The following GPC5 variants were observed in gnomAD, a reference collection of about 807,000 sequenced individuals.
GPC5 encodes glypican-5.
In GPC5, 47 loss-of-function variants were observed where a neutral mutation model predicts 53.9. That is an observed-to-expected ratio of 0.87 (90% CI 0.69 to 1.11). GPC5 has a LOEUF of 1.11. Among genes scored for constraint, GPC5 ranks in the 50% most tolerant of loss-of-function variants. The pLI is 0.00. For missense variants in GPC5, 748 were observed against 713.1 expected (o/e 1.05, Z -0.56); for synonymous variants, 286 against 263.3 (o/e 1.09, Z -0.84).
chr13:92,800,498 A>G (rs1876862302), intron 7 of GPC5, among the ~76,000 whole-genome samples: 1 of 151,884 alleles, frequency 6.6e-6, no homozygotes, highest in African/African-American at 2.4e-5. Flanking sequence ...GTTGTGGTAA[A>G]AGCATTCTTA....
At chr13:92,239,358 T>C (rs529309734) in intron 7 of GPC5, among the ~76,000 whole-genome samples, 3 of 152,104 alleles carry the variant, frequency 2.0e-5, no homozygotes, top group Admixed American at 2.0e-4. Context: ...TTTAATTTTA[T>C]TCAACAATGT....
chr13:92,002,695 GA>G (rs2138756169), intron 6 of GPC5, among the ~76,000 whole-genome samples: 1 of 152,224 alleles, frequency 6.6e-6, no homozygotes, highest in Admixed American at 6.5e-5. Flanking sequence ...AACAAGATAG[GA>G]ATGGAACATA....
At chr13:91,458,261 C>A (rs149728984) in intron 2 of GPC5, among the ~76,000 whole-genome samples, 1 of 151,942 alleles carries the variant, frequency 6.6e-6, no homozygotes, top group African/African-American at 2.4e-5. Flanking sequence ...GGAGGGTGAT[C>A]GGAAAGGATA....
chr13:91,750,196 G>C (rs1489422336), intron 4 of GPC5, among the ~76,000 whole-genome samples: 1 of 152,188 alleles, frequency 6.6e-6, no homozygotes, highest in Non-Finnish European at 1.5e-5. Flanking sequence ...TACAAGCCCA[G>C]ATGACAAATT....
intron 2 of GPC5, among the ~76,000 whole-genome samples, chr13:91,573,347 C>G (rs970398048): frequency 2.0e-5 from 3 of 152,188 alleles, no homozygotes; most frequent in African/African-American, 7.2e-5. Flanking sequence ...GTATGGCATA[C>G]GCATACATGC....
chr13:92,160,410 T>G (rs2041978533), intron 7 of GPC5, among the ~76,000 whole-genome samples: 1 of 152,316 alleles, frequency 6.6e-6, no homozygotes, highest in African/African-American at 2.4e-5. Context: ...GGAGTAAAAC[T>G]GTTACAATTT....
chr13:92,052,807 G>A (rs908714168), intron 6 of GPC5, among the ~76,000 whole-genome samples: 1 of 152,154 alleles, frequency 6.6e-6, no homozygotes, highest in African/African-American at 2.4e-5. Flanking sequence ...ATTCTCAGAG[G>A]TGAGGAAGTT....
intron 2 of GPC5, among the ~76,000 whole-genome samples, chr13:91,653,398 G>A (rs1275266328): frequency 6.6e-6 from 1 of 152,096 alleles, no homozygotes; most frequent in Non-Finnish European, 1.5e-5. Context: ...GGGGTGTAGA[G>A]GGGAGATGAG....
chr13:92,624,053 C>A (rs1423310147), intron 7 of GPC5, among the ~76,000 whole-genome samples: 1 of 147,104 alleles, frequency 6.8e-6, no homozygotes, highest in Non-Finnish European at 1.5e-5. Context: ...GTAGAGACGG[C>A]GTTTCCCCAC....
chr13:91,991,977 A>G (rs748424897), intron 6 of GPC5, among the ~76,000 whole-genome samples: 70 of 152,362 alleles, frequency 4.6e-4, no homozygotes, highest in Non-Finnish European at 9.8e-4. Context: ...GTACACATAC[A>G]TATATAGAAT....
At chr13:92,459,199 A>G (rs1878387582) in intron 7 of GPC5, among the ~76,000 whole-genome samples, 1 of 152,190 alleles carries the variant, frequency 6.6e-6, no homozygotes, top group African/African-American at 2.4e-5. Context: ...TATAACAAAA[A>G]TATTACAGAA....
chr13:91,626,120 C>CT (rs2033993055), intron 2 of GPC5, among the ~76,000 whole-genome samples: 1 of 151,962 alleles, frequency 6.6e-6, no homozygotes, highest in Admixed American at 6.6e-5. Context: ...GACTGTTTTT[C>CT]TTTTTTACCT....
rs759777265 is a variant in GPC5, at chr13:91,572,166, CAT to C, written c.326-121018_326-121017del. 1.3e-3 allele frequency among the ~76,000 whole-genome samples: 144 copies of C among 114,188 alleles called. 15 individuals carry two copies. The highest frequency in any genetic ancestry group is 4.5e-3 in the African/African-American group (109 of 24,490). 74.9% of individuals were successfully genotyped at this position (114,188 alleles called of 152,430 possible). On this transcript the variant is annotated intron_variant, in intron 2 of 7. Coordinates refer to ENST00000377067, the MANE Select transcript of GPC5 (RefSeq NM_004466.6). ...GTATATATACGTGTGTATACACACA[CAT>C]ATGTATATATACGTGTGTATACACA...
chr13:92,413,779 A>G (rs575890878), intron 7 of GPC5, among the ~76,000 whole-genome samples: 6 of 152,310 alleles, frequency 3.9e-5, no homozygotes, highest in South Asian at 2.1e-4. Context: ...AAGGACCACG[A>G]AGGTTTACCT....
At chr13:92,751,385 G>C (rs925467332) in intron 7 of GPC5, among the ~76,000 whole-genome samples, 3 of 143,362 alleles carry the variant, frequency 2.1e-5, no homozygotes, top group Non-Finnish European at 4.5e-5. Context: ...TCCAGTTCTG[G>C]AATCTAGAAT....
At chr13:92,707,521 T>C (rs1887992671) in intron 7 of GPC5, among the ~76,000 whole-genome samples, 1 of 152,006 alleles carries the variant, frequency 6.6e-6, no homozygotes, top group South Asian at 2.1e-4. Flanking sequence ...ATAGCACAGA[T>C]TTGCTATGTA....
intron 7 of GPC5, among the ~76,000 whole-genome samples, chr13:92,304,580 T>C (rs1393506241): frequency 6.6e-6 from 1 of 152,084 alleles, no homozygotes; most frequent in Non-Finnish European, 1.5e-5. Flanking sequence ...CATTTTATGG[T>C]AATTCTAGTT....
chr13:92,411,097 G>A (rs1293026381), intron 7 of GPC5, among the ~76,000 whole-genome samples: 1 of 151,836 alleles, frequency 6.6e-6, no homozygotes, highest in Non-Finnish European at 1.5e-5. Context: ...AAACAAAAAA[G>A]ACCAAAAAAA....
intron 7 of GPC5, among the ~76,000 whole-genome samples, chr13:92,165,662 G>A (rs560389600): frequency 1.9e-4 from 29 of 152,268 alleles, no homozygotes; most frequent in African/African-American, 7.0e-4. Context: ...CCTAACACAT[G>A]GGGATTACAA....
Sources: gnomAD v4.1 joint callset for allele counts (sites outside exome capture counted in the v4.1 genomes callset) on GRCh38, gnomAD v4.1.1 for gene constraint, MANE v1.5 for transcripts, NCBI Gene and HGNC (gene_info 2026-07-23, HGNC 2026-07-21) for gene names.